Variants in TSR1 observed in about 807,000 individuals in gnomAD.
TSR1 encodes the protein TSR1 ribosome maturation factor, also known as pre-rRNA-processing protein TSR1 homolog.
A neutral mutation model predicts 90.9 loss-of-function variants in TSR1; 81 were observed. That is an observed-to-expected ratio of 0.89 (90% CI 0.74 to 1.07). The LOEUF is 1.07. Ranked by LOEUF, TSR1 falls within the 50% of genes least tolerant of loss-of-function variation. TSR1 has a pLI of 0.00. For missense variants in TSR1, 989 were observed against 987.3 expected, an observed-to-expected ratio of 1.00 and a Z score of -0.02; for synonymous variants, 362 against 348.8, an observed-to-expected ratio of 1.04 and a Z score of -0.42.
At position 2,322,579 on chromosome 17, in the gene TSR1, CA is replaced by C. The variant is rs1224638581; in HGVS notation, c.*1616del. The C allele has an allele frequency of 3.9e-5, 6 of 153,242 alleles. No individual in the cohort carries two copies. The highest frequency in any genetic ancestry group is 1.4e-4 in the African/African-American group (6 of 41,396). The allele number at this position is 153,242 out of a possible 1,614,324, so 9.5% of individuals were successfully genotyped here. A position where few individuals can be genotyped will look rare whatever the true frequency, so the allele number is the denominator to read the frequency against. On this transcript the variant is annotated 3_prime_UTR_variant, in exon 15 of 15. Coordinates refer to ENST00000301364, the MANE Select transcript of TSR1 (RefSeq NM_018128.5). ...GCAGTGGCACGATCTTGGCTCACTG[CA>C]AGCTCCACCTCCCAGGTTCACGCCA... is the stretch of plus-strand genomic sequence containing the variant.
intron 11 of TSR1, chr17:2,328,936 A>C (rs1417504787): frequency 8.3e-6 from 2 of 240,416 alleles, no homozygotes; most frequent in South Asian, 4.7e-5. Flanking sequence ...AAAAAAAAAA[A>C]AAAAAAAAAA....
chr17:2,333,803 G>A (rs978691003), intron 5 of TSR1, 87 bp from the exon 6 acceptor site: 10 of 1,528,844 alleles, frequency 6.5e-6, no homozygotes, highest in Non-Finnish European at 8.0e-6. Context: ...AGAAATATCA[G>A]TCCTCATGTA....
chr17:2,335,734 A>G lies in TSR1; in HGVS notation c.202-4T>C, dbSNP rs1229841990. The G allele has an allele frequency of 1.2e-6, 2 of 1,611,846 alleles. No homozygotes were observed. On this transcript the variant is annotated splice_region_variant and splice_polypyrimidine_tract_variant and intron_variant, in intron 2 of 14. Transcript: ENST00000301364. ...GCTGTCTCTTCTCTGCCAGAACCTG[A>G]AAATAGAAAGATATCCGAGAACATC...
intron 11 of TSR1, among the ~76,000 whole-genome samples, chr17:2,325,704 C>T (rs910485750): frequency 3.9e-5 from 6 of 152,012 alleles, no homozygotes; most frequent in Non-Finnish European, 8.8e-5. Flanking sequence ...CCTCTGCCTC[C>T]CGGGTTCAAG....
rs974429911 is a variant in TSR1 at position 2,334,873 on chromosome 17, C to T, written c.580G>A (p.Gly194Ser). Residue 194 changes from glycine to serine, a missense_variant, in exon 5 of 15, where the codon GGC becomes AGC. Transcript: ENST00000301364. The stretch of plus-strand genomic sequence containing the variant: ...TCTATTTGTTTCTTCAGTGGGAGGC[C>T]AGAAATCCCCTGGACAGCTAGTGCT... ...TYTLAVQGIS[G>S]LPLKKQIDTR... 1.2e-6 allele frequency: 2 copies of T among 1,612,546 alleles called. No individual in the cohort carries two copies.
At chr17:2,332,380 T>A (rs1317146897) in intron 7 of TSR1, 21 bp from the exon 8 acceptor site, 2 of 1,565,302 alleles carry the variant, frequency 1.3e-6, no homozygotes, top group Admixed American at 2.1e-5. Flanking sequence ...GGATTACAGT[T>A]TTTTCAGAAG....
chr17:2,334,754 A>AAGCAGCATCCCTGCCTC lies in TSR1; in HGVS notation c.682_698dup (p.Leu236GlyfsTer43), dbSNP rs757428394. 5 of 1,614,198 alleles carry AAGCAGCATCCCTGCCTC rather than the reference A, an allele frequency of 3.1e-6. No homozygotes were observed. In the East Asian group the frequency reaches 1.1e-4, roughly 36 times the overall value. ...GTTGCTTCTGGTTAGCCAACTGCCT[A>AAGCAGCATCCCTGCCTC]AGCAGCATCCCTGCCTCCTGTTGAG... On this transcript the variant is annotated frameshift_variant, in exon 5 of 15. Coordinates refer to ENST00000301364, the MANE Select transcript of TSR1 (RefSeq NM_018128.5). LOFTEE classifies it high-confidence loss of function.
chr17:2,334,891 C>A lies in TSR1; in HGVS notation c.562G>T (p.Ala188Ser). 6.2e-7 allele frequency: 1 copy of A among 1,608,818 alleles called. No individual in the cohort carries two copies. Among genetic ancestry groups the A allele is most frequent in the Non-Finnish European group, 8.5e-7 (1 of 1,177,492 alleles). ...FAQGLPTYTLAVQGISGLPLK... is the reference protein window; with the variant it reads ...FAQGLPTYTLSVQGISGLPLK... ...GGGAGGCCAGAAATCCCCTGGACAGCTAGTGCTGTAAGCGAAAGAGAAAAC... is the reference window on the plus strand; with the variant it reads ...GGGAGGCCAGAAATCCCCTGGACAGATAGTGCTGTAAGCGAAAGAGAAAAC... The change falls in exon 5 of 15, where the codon GCT becomes TCT. Residue 188 changes from alanine (A) to serine (S), a missense_variant. Ala to Ser is a moderately conservative substitution (Grantham distance 99). Coordinates refer to ENST00000301364, the MANE Select transcript of TSR1 (RefSeq NM_018128.5).
At chr17:2,335,447 T>C in intron 3 of TSR1, 53 bp from the exon 4 acceptor site, 1 of 1,494,218 alleles carries the variant, frequency 6.7e-7, no homozygotes, top group Non-Finnish European at 8.9e-7. Flanking sequence ...CACATTATTC[T>C]AAAAAAAAAA....
Position 2,336,061 on chromosome 17 carries a change from C to A in TSR1, c.177G>T (p.Gln59His). 1 of 1,614,208 alleles carries A rather than the reference C, an allele frequency of 6.2e-7. No individual in the cohort carries two copies. Among genetic ancestry groups the A allele is most frequent in the Non-Finnish European group, 8.5e-7 (1 of 1,180,042 alleles). ...CCGCCTCCTTCTTCTGCTTTCGGAGCTGGCTGGCGCGATGCCTCTGGTCGA... is the reference window on the plus strand; with the variant it reads ...CCGCCTCCTTCTTCTGCTTTCGGAGATGGCTGGCGCGATGCCTCTGGTCGA... ...SRVDQRHRAS[Q>H]LRKQKKEAVL... Residue 59 changes from glutamine (Q) to histidine (H), a missense_variant, in exon 2 of 15, where the codon CAG becomes CAT. Transcript: ENST00000301364.
chr17:2,332,663 C>T (rs1473160830), intron 7 of TSR1, among the ~76,000 whole-genome samples: 2 of 151,904 alleles, frequency 1.3e-5, no homozygotes, highest in African/African-American at 4.8e-5. Flanking sequence ...AGTGAAACCC[C>T]GTCTCTACTA....
chr17:2,330,952 C>T lies in TSR1; in HGVS notation c.1654G>A (p.Ala552Thr), dbSNP rs148862735. Residue 552 changes from alanine (A) to threonine (T), a missense_variant, in exon 9 of 15, where the codon GCT becomes ACT. By Grantham distance (58) the Ala-to-Thr change is moderately conservative. Coordinates refer to ENST00000301364, the MANE Select transcript of TSR1 (RefSeq NM_018128.5). ...TGAACAAGGAGGATAGATACCTCAG[C>T]TCCTTCAACCTCTTTTTCTTCAACC... ...KEVEEKEVEG[A>T]EVGWYVTLHV... 1.8e-3 allele frequency: 2,815 copies of T among 1,585,006 alleles called. 8 individuals carry two copies. Among genetic ancestry groups the T allele is most frequent in the Admixed American group, 3.1e-3 (161 of 51,738 alleles).
chr17:2,330,108 A>G (rs2075596120), intron 10 of TSR1: 1 of 362,108 alleles, frequency 2.8e-6, no homozygotes, highest in African/African-American at 2.1e-5. Context: ...TGGTAGAGAC[A>G]GGGTTCCTCC....
chr17:2,323,472 C>T lies in TSR1; in HGVS notation c.*724G>A, dbSNP rs1236974031. The T allele has an allele frequency of 2.5e-6, 3 of 1,193,450 alleles. No individual in the cohort carries two copies. Among genetic ancestry groups the T allele is most frequent in the East Asian group, 2.4e-5 (1 of 41,222 alleles). 73.9% of individuals were successfully genotyped at this position (1,193,450 alleles called of 1,614,324 possible). On this transcript the variant is annotated 3_prime_UTR_variant, in exon 15 of 15. Transcript: ENST00000301364. ...GGTAACTTCATGACATGGGAGGGTACCCTAGATGTATTAATGACAACCCTC... is the reference window on the plus strand; with the variant it reads ...GGTAACTTCATGACATGGGAGGGTATCCTAGATGTATTAATGACAACCCTC...
In TSR1 at chr17:2,333,134, C is replaced by T. The variant is rs762295824; in HGVS notation, c.1142-10G>A. On this transcript the variant is annotated splice_polypyrimidine_tract_variant and intron_variant, in intron 6 of 14. Coordinates refer to ENST00000301364, the MANE Select transcript of TSR1 (RefSeq NM_018128.5). ...CTTTCCTTCAAGAAATCTGTAAAAG[C>T]CCAAACAAATTAAGTAAATTACAGA... The T allele has an allele frequency of 8.1e-5, 131 of 1,612,588 alleles. No individual in the cohort carries two copies. The highest frequency in any genetic ancestry group is 1.1e-4 in the Non-Finnish European group (129 of 1,179,184).
Position 2,334,782 on chromosome 17 carries a change from T to G in TSR1, c.671A>C (p.Asp224Ala). 1 of 1,614,218 alleles carries G rather than the reference T, an allele frequency of 6.2e-7. No homozygotes were observed. The highest frequency in any genetic ancestry group is 8.5e-7 in the Non-Finnish European group (1 of 1,180,044). Residue 224 changes from aspartate to alanine, a missense_variant, in exon 5 of 15, where the codon GAC becomes GCC. Physicochemically the swap from Asp to Ala is moderately radical, Grantham distance 126. Transcript: ENST00000301364. ...CAGCATCCCTGCCTCCTGTTGAGTG[T>G]CTAACAAGAGGAGTTTGTCATGCGG... ...RFPHDKLLLL[D>A]TQQEAGMLLR... is the part of the protein sequence containing the mutation.
chr17:2,336,216 T>G lies in TSR1; in HGVS notation c.98-76A>C, dbSNP rs2064076666. On this transcript the variant is annotated intron_variant, in intron 1 of 14. Transcript: ENST00000301364. Reference sequence around the variant, plus strand: ...AAAAGGGACTCCTCTCCGCCCACCTTAGAAAGGGCCTTTCGCGTGGAGCCC... The same window carrying G: ...AAAAGGGACTCCTCTCCGCCCACCTGAGAAAGGGCCTTTCGCGTGGAGCCC... 6.9e-6 allele frequency: 11 copies of G among 1,601,002 alleles called. No homozygotes were observed. In the South Asian group the frequency reaches 1.2e-4, roughly 18 times the overall value.
At chr17:2,332,760 C>A (rs999087527) in intron 7 of TSR1, among the ~76,000 whole-genome samples, 1 of 152,018 alleles carries the variant, frequency 6.6e-6, no homozygotes, top group Non-Finnish European at 1.5e-5. Flanking sequence ...TGGCGTGAAC[C>A]CAGGAGGGAG....
chr17:2,324,468 A>G, intron 14 of TSR1, 36 bp downstream of exon 14: 1 of 1,613,958 alleles, frequency 6.2e-7, no homozygotes, highest in African/African-American at 1.3e-5. Context: ...ACACTGCAGA[A>G]ATGCAGACAT....
Sources: allele counts gnomAD v4.1 joint callset (sites outside exome capture counted in the v4.1 genomes callset), GRCh38; gene constraint gnomAD v4.1.1; transcripts MANE v1.5; gene names NCBI Gene and HGNC (gene_info 2026-07-23, HGNC 2026-07-21).